Variants in PJA2 observed in about 807,000 individuals in gnomAD.
PJA2 encodes E3 ubiquitin-protein ligase Praja-2.
A neutral mutation model predicts 69.3 loss-of-function variants in PJA2; 25 were observed. The ratio of observed to expected loss-of-function variants is 0.36; its 90% confidence interval spans 0.26 to 0.50. The LOEUF (loss-of-function observed/expected upper bound fraction) is 0.50, where lower values mean the gene tolerates loss of function less well. Among genes scored for constraint, PJA2 ranks in the 20% least tolerant of loss-of-function variants. PJA2 has a pLI of 0.96. For missense variants in PJA2, 809 were observed against 830.2 expected, an observed-to-expected ratio of 0.97 and a Z score of 0.31; for synonymous variants, 308 against 277.8, an observed-to-expected ratio of 1.11 and a Z score of -1.08.
Position 109,344,166 on chromosome 5 carries a change from A to T in PJA2, c.2001+24T>A, listed in dbSNP as rs55899718. ...GAAGACACTATTAAAGTATTTTTAA[A>T]TTTTTAATTATTCTATCACTCACCT... On this transcript the variant is annotated intron_variant, in intron 9 of 9. Transcript: ENST00000361189. 9 of 1,075,140 alleles carry T rather than the reference A, an allele frequency of 8.4e-6. No individual in the cohort carries two copies. The Admixed American group carries it at 1.3e-4, about 16-fold the overall frequency. 66.6% of individuals were successfully genotyped at this position (1,075,140 alleles called of 1,614,324 possible). A position where few individuals can be genotyped will look rare whatever the true frequency, so the allele number is the denominator to read the frequency against.
At chr5:109,390,931 T>C (rs1403498994) in intron 1 of PJA2, among the ~76,000 whole-genome samples, 1 of 152,158 alleles carries the variant, frequency 6.6e-6, no homozygotes, top group East Asian at 1.9e-4. Flanking sequence ...TTTGGGCAAG[T>C]CCATTTCAGC....
intron 1 of PJA2, among the ~76,000 whole-genome samples, chr5:109,404,125 T>C (rs780552051): frequency 2.0e-5 from 3 of 151,910 alleles, no homozygotes; most frequent in Non-Finnish European, 2.9e-5. Context: ...AATCCAAGAA[T>C]AGAATGGGAA....
intron 6 of PJA2, among the ~76,000 whole-genome samples, chr5:109,356,879 G>GA (rs201370108): frequency 0.014 from 2,131 of 152,098 alleles, 18 homozygotes; most frequent in Non-Finnish European, 0.023. Flanking sequence ...GCTCCTAGAA[G>GA]AAAAACATGT....
chr5:109,384,821 A>C (rs1173435586), intron 1 of PJA2, among the ~76,000 whole-genome samples: 1 of 151,824 alleles, frequency 6.6e-6, no homozygotes, highest in Non-Finnish European at 1.5e-5. Context: ...ACAGTGTTTT[A>C]ACTTTTTTTT....
chr5:109,358,011 G>C (rs1316416606), intron 6 of PJA2, among the ~76,000 whole-genome samples: 2 of 152,212 alleles, frequency 1.3e-5, no homozygotes. Context: ...GGTAATAACT[G>C]TTTCAGGCTG....
intron 4 of PJA2, among the ~76,000 whole-genome samples, chr5:109,376,436 C>G (rs1366091123): frequency 3.3e-5 from 5 of 151,798 alleles, no homozygotes; most frequent in African/African-American, 1.2e-4. Context: ...CAAAGAAAAT[C>G]AATTTAAAAT....
At chr5:109,409,817 GA>G (rs57525773) in intron 1 of PJA2, 24 bp downstream of exon 1, 9,696 of 112,480 alleles carry the variant, frequency 0.086, 412 homozygotes, top group African/African-American at 0.16. Context: ...AAGCCAGACT[GA>G]AAAAAAAAAA....
chr5:109,371,267 A>C (rs963441921), intron 4 of PJA2, among the ~76,000 whole-genome samples: 2 of 152,124 alleles, frequency 1.3e-5, no homozygotes, highest in Non-Finnish European at 2.9e-5. Context: ...CATCACACTA[A>C]GCTTTCGCAA....
chr5:109,365,508 AG>A (rs776653325), intron 5 of PJA2, among the ~76,000 whole-genome samples: 4 of 152,210 alleles, frequency 2.6e-5, no homozygotes, highest in Non-Finnish European at 5.9e-5. Flanking sequence ...AAGTTCAAAA[AG>A]GAAGCTGGTT....
chr5:109,335,362 T>G lies in PJA2; in HGVS notation c.*1869A>C, dbSNP rs1378845688. The G allele has an allele frequency of 6.6e-6, 1 of 152,656 alleles. No individual in the cohort carries two copies. Among genetic ancestry groups the G allele is most frequent in the Non-Finnish European group, 1.5e-5 (1 of 68,032 alleles). The allele number at this position is 152,656 out of a possible 1,614,324, so 9.5% of individuals were successfully genotyped here. ...AGCTCTCAACATTGCTGGTTGAGTT[T>G]GGAACCAAAACCTCTTAACAACTGG... On this transcript the variant is annotated 3_prime_UTR_variant, in exon 10 of 10. Coordinates refer to ENST00000361189, the MANE Select transcript of PJA2 (RefSeq NM_014819.5).
chr5:109,375,649 A>T (rs1244721828), intron 4 of PJA2, among the ~76,000 whole-genome samples: 1 of 152,212 alleles, frequency 6.6e-6, no homozygotes, highest in Non-Finnish European at 1.5e-5. Flanking sequence ...TTACAAAAAA[A>T]CTCAAAGTTC....
Position 109,344,185 on chromosome 5 carries a change from C to A in PJA2, c.2001+5G>T. The A allele has an allele frequency of 1.3e-6, 2 of 1,524,794 alleles. No individual in the cohort carries two copies. Among genetic ancestry groups the A allele is most frequent in the Non-Finnish European group, 1.8e-6 (2 of 1,125,122 alleles). The allele number at this position is 1,524,794 out of a possible 1,614,324, so 94.5% of individuals were successfully genotyped here. A position where few individuals can be genotyped will look rare whatever the true frequency, so the allele number is the denominator to read the frequency against. Reference sequence around the variant, plus strand: ...TTTTAAATTTTTAATTATTCTATCACTCACCTTTTGTAGCCAAATTGAGAC... The same window carrying A: ...TTTTAAATTTTTAATTATTCTATCAATCACCTTTTGTAGCCAAATTGAGAC... On this transcript the variant is annotated splice_donor_5th_base_variant and intron_variant, in intron 9 of 9. Transcript: ENST00000361189.
chr5:109,340,661 CCTCCCCCTCCCT>C (rs1762033308), intron 9 of PJA2, among the ~76,000 whole-genome samples: 1 of 6,288 alleles, frequency 1.6e-4, no homozygotes, highest in African/African-American at 8.3e-4. Context: ...TCCCCCTCCC[CCTCCCCCTCCCT>C]CTCCCCACGG....
intron 1 of PJA2, among the ~76,000 whole-genome samples, chr5:109,391,131 C>G (rs564276291): frequency 2.6e-5 from 4 of 152,258 alleles, no homozygotes; most frequent in African/African-American, 9.6e-5. Flanking sequence ...ACCAGTTGAG[C>G]ACTGTCTGTA....
chr5:109,380,803 T>TAAA (rs1747025101), intron 3 of PJA2, among the ~76,000 whole-genome samples: 1 of 30,298 alleles, frequency 3.3e-5, no homozygotes, highest in African/African-American at 7.9e-5. Flanking sequence ...AGATTCCATC[T>TAAA]CAAAAAAAAA....
chr5:109,380,084 TTC>T (rs1472214594), intron 3 of PJA2, among the ~76,000 whole-genome samples: 19 of 138,552 alleles, frequency 1.4e-4, no homozygotes, highest in African/African-American at 4.7e-4. Context: ...GTACGAAGGG[TTC>T]TTTTTTTTTT....
At chr5:109,343,229 A>T (rs1762108565) in intron 9 of PJA2, among the ~76,000 whole-genome samples, 1 of 120,454 alleles carries the variant, frequency 8.3e-6, no homozygotes, top group Non-Finnish European at 1.7e-5. Context: ...GCTCTCTGAA[A>T]CATGTGCTGT....
chr5:109,397,708 G>A (rs12516997), intron 1 of PJA2, among the ~76,000 whole-genome samples: 1,745 of 151,702 alleles, frequency 0.012, 71 homozygotes, highest in Admixed American at 0.072. Context: ...TTTTCTAGTA[G>A]AAACAGGGTT....
intron 9 of PJA2, among the ~76,000 whole-genome samples, chr5:109,340,502 T>C (rs977400620): frequency 4.0e-5 from 6 of 151,822 alleles, no homozygotes; most frequent in African/African-American, 1.2e-4. Flanking sequence ...GACTTGGGAA[T>C]TCCTAGTGAA....
Sources: gnomAD v4.1 joint callset for allele counts (sites outside exome capture counted in the v4.1 genomes callset) on GRCh38, gnomAD v4.1.1 for gene constraint, MANE v1.5 for transcripts, NCBI Gene and HGNC (gene_info 2026-07-23, HGNC 2026-07-21) for gene names.